AOAH: variants seen among roughly 807,000 people sequenced by gnomAD.
AOAH encodes acyloxyacyl hydrolase.
A neutral mutation model predicts 92.2 loss-of-function variants in AOAH; 64 were observed. The ratio of observed to expected loss-of-function variants is 0.69; its 90% CI spans 0.57 to 0.86. AOAH has a LOEUF of 0.86. Among genes scored for constraint, AOAH ranks in the 40% least tolerant of loss-of-function variants. The pLI, the probability that AOAH is intolerant of heterozygous loss-of-function variation, is 0.00. For missense variants in AOAH, 656 were observed against 694.6 expected, an observed-to-expected ratio of 0.94 and a Z score of 0.62; for synonymous variants, 263 against 254.5, an observed-to-expected ratio of 1.03 and a Z score of -0.32.
At chr7:36,715,159 T>C (rs1799049107) in intron 1 of AOAH, among the ~76,000 whole-genome samples, 1 of 152,078 alleles carries the variant, frequency 6.6e-6, no homozygotes, top group African/African-American at 2.4e-5. Flanking sequence ...TGTGCAAAAA[T>C]CACAAGCATT....
intron 13 of AOAH, among the ~76,000 whole-genome samples, chr7:36,554,780 C>G (rs1225508581): frequency 8.7e-4 from 131 of 151,024 alleles, no homozygotes; most frequent in African/African-American, 2.7e-3. Flanking sequence ...ATTTGGCTCT[C>G]TGTTTGTCTG....
chr7:36,641,955 G>A (rs935685852), intron 4 of AOAH, among the ~76,000 whole-genome samples: 3 of 152,114 alleles, frequency 2.0e-5, no homozygotes, highest in Admixed American at 6.5e-5. Context: ...CTTCTGTCTA[G>A]AATGATTTAA....
chr7:36,600,519 C>T (rs1790481234), intron 11 of AOAH, among the ~76,000 whole-genome samples: 1 of 151,950 alleles, frequency 6.6e-6, no homozygotes. Context: ...TGACATATCC[C>T]GGGGAAAGGC....
intron 1 of AOAH, among the ~76,000 whole-genome samples, chr7:36,722,364 T>A (rs925276530): frequency 1.3e-5 from 2 of 152,100 alleles, no homozygotes; most frequent in Admixed American, 1.3e-4. Context: ...GAAGTGAAGG[T>A]CCAAGGATCT....
intron 15 of AOAH, among the ~76,000 whole-genome samples, chr7:36,543,177 A>G (rs1785538790): frequency 6.6e-6 from 1 of 152,170 alleles, no homozygotes; most frequent in African/African-American, 2.4e-5. Context: ...CTATTTTAAA[A>G]ATAAAAATCT....
intron 16 of AOAH, among the ~76,000 whole-genome samples, chr7:36,538,008 CTTTT>C (rs200856759): frequency 2.3e-5 from 3 of 127,874 alleles, no homozygotes; most frequent in Admixed American, 7.9e-5. Flanking sequence ...TTCGTACATT[CTTTT>C]TTTTTTTTTT....
intron 11 of AOAH, among the ~76,000 whole-genome samples, chr7:36,613,026 GT>G (rs145375109): frequency 0.059 from 8,920 of 151,890 alleles, 379 homozygotes; most frequent in South Asian, 0.16. Flanking sequence ...ATTATATCTA[GT>G]TTTTTTTGTG....
intron 12 of AOAH, among the ~76,000 whole-genome samples, chr7:36,583,842 A>G (rs1789114053): frequency 6.6e-6 from 1 of 152,170 alleles, no homozygotes; most frequent in Admixed American, 6.5e-5. Context: ...GGCCTTTCCC[A>G]GCCCCAGATT....
In AOAH at chr7:36,532,175, T is replaced by C; in HGVS notation, c.1397A>G (p.Asn466Ser). ...VSPCHGWMSS[N>S]KTLRTLTSER... ...TGAAGTGAGAGTCCGCAACGTCTTG[T>C]TGGAAGACATCCAGCCGTGGCAGGG... is the stretch of plus-strand genomic sequence containing the variant. The change falls in exon 18 of 21, where the codon AAC becomes AGC. Residue 466 changes from asparagine (N) to serine (S), a missense_variant. Physicochemically the swap from Asn to Ser is conservative, Grantham distance 46 (BLOSUM62 1). Transcript: ENST00000617537. 4 of 1,614,188 alleles carry C rather than the reference T, an allele frequency of 2.5e-6. No homozygotes were observed. Among genetic ancestry groups the C allele is most frequent in the Non-Finnish European group, 3.4e-6 (4 of 1,180,014 alleles).
rs147841616 is a variant in AOAH at position 36,597,242 on chromosome 7, T to G, written c.847-2812A>C. 9.9e-5 allele frequency among the ~76,000 whole-genome samples: 15 copies of G among 152,282 alleles called. No homozygotes were observed. The East Asian group carries it at 2.7e-3, about 27-fold the overall frequency. On this transcript the variant is annotated intron_variant, in intron 11 of 20. Coordinates refer to ENST00000617537, the MANE Select transcript of AOAH (RefSeq NM_001637.4). ...ATCTCAGAGGACCATGCAGTCTCAG[T>G]GACAGGTACTTTGTCACCCCTTAGC...
At chr7:36,690,987 A>G (rs139601141) in intron 1 of AOAH, among the ~76,000 whole-genome samples, 29 of 152,294 alleles carry the variant, frequency 1.9e-4, no homozygotes, top group Non-Finnish European at 3.4e-4. Flanking sequence ...AGAGTGGTCT[A>G]TTAGATTTCC....
intron 4 of AOAH, 22 bp downstream of exon 4, chr7:36,659,144 T>C: frequency 6.3e-7 from 1 of 1,577,666 alleles, no homozygotes; most frequent in South Asian, 1.1e-5. Flanking sequence ...GAAACAGATG[T>C]TCAGAGTGAT....
At position 36,558,531 on chromosome 7, in the gene AOAH, C is replaced by T. The variant is rs536555703; in HGVS notation, c.1022-9056G>A. Among the ~76,000 whole-genome samples, 290 of 152,362 alleles carry T rather than the reference C, an allele frequency of 1.9e-3. 1 individual carries two copies. The highest frequency in any genetic ancestry group is 6.0e-3 in the African/African-American group (248 of 41,588). The stretch of plus-strand genomic sequence containing the variant: ...CTCTCTTCAAAGACATTTAAGTCTG[C>T]AGAGGTTACTGCTGTCTTTTTGTTT... On this transcript the variant is annotated intron_variant, in intron 13 of 20. Transcript: ENST00000617537.
intron 11 of AOAH, among the ~76,000 whole-genome samples, chr7:36,601,400 CA>C (rs56706861): frequency 0.25 from 38,343 of 151,674 alleles, 5,424 homozygotes; most frequent in Non-Finnish European, 0.32. Context: ...GAGAGAGAAA[CA>C]TCAGGCACCA....
At chr7:36,616,690 A>T (rs896041811) in intron 10 of AOAH, among the ~76,000 whole-genome samples, 2 of 152,204 alleles carry the variant, frequency 1.3e-5, no homozygotes, top group African/African-American at 4.8e-5. Context: ...GCTAAGATGT[A>T]GAGATGCAGG....
chr7:36,653,427 T>G (rs1216426754), intron 4 of AOAH, among the ~76,000 whole-genome samples: 4 of 152,244 alleles, frequency 2.6e-5, no homozygotes, highest in Non-Finnish European at 5.9e-5. Flanking sequence ...TAATTTGTCA[T>G]GCGTCACTTT....
intron 13 of AOAH, among the ~76,000 whole-genome samples, chr7:36,557,575 A>T (rs1465561425): frequency 6.6e-6 from 1 of 152,182 alleles, no homozygotes; most frequent in Non-Finnish European, 1.5e-5. Context: ...TATCCTGTAG[A>T]GTGTTTTCCA....
chr7:36,592,082 G>A (rs1021046499), intron 12 of AOAH, among the ~76,000 whole-genome samples: 1 of 152,158 alleles, frequency 6.6e-6, no homozygotes, highest in Non-Finnish European at 1.5e-5. Flanking sequence ...TTCATTAAAG[G>A]TACAGTAAAC....
At chr7:36,557,684 C>T (rs553184718) in intron 13 of AOAH, among the ~76,000 whole-genome samples, 40 of 152,066 alleles carry the variant, frequency 2.6e-4, no homozygotes, top group Admixed American at 1.0e-3. Flanking sequence ...TTGTTCGTTT[C>T]TTTTTATTCT....
Sources: gnomAD v4.1 joint callset for allele counts (sites outside exome capture counted in the v4.1 genomes callset) on GRCh38, gnomAD v4.1.1 for gene constraint, MANE v1.5 for transcripts, NCBI Gene and HGNC (gene_info 2026-07-23, HGNC 2026-07-21) for gene names.